Variants in AFG2A observed in about 807,000 individuals in gnomAD.
The protein encoded by AFG2A is AAA ATPase AFG2A, also known as ATPase family gene 2 protein homolog A.
At chr4:123,166,414 A>G in the AFG2A span, among the ~76,000 whole-genome samples, 2 of 152,162 alleles carry the variant, frequency 1.3e-5, no homozygotes, top group African/African-American at 4.8e-5. Context: ...TTTGCTCCTC[A>G]GATTATGTGA....
the AFG2A span, among the ~76,000 whole-genome samples, chr4:123,198,059 A>G: frequency 2.0e-5 from 3 of 152,138 alleles, no homozygotes; most frequent in Non-Finnish European, 4.4e-5. Context: ...TCATGAGGTC[A>G]GGAGTTCAAG....
chr4:123,137,942 G>A, the AFG2A span, among the ~76,000 whole-genome samples: 1 of 152,076 alleles, frequency 6.6e-6, no homozygotes, highest in Admixed American at 6.6e-5. Flanking sequence ...CATTAGTATA[G>A]AACCCTTACA....
the AFG2A span, among the ~76,000 whole-genome samples, chr4:123,233,176 A>T: frequency 6.6e-6 from 1 of 152,064 alleles, no homozygotes; most frequent in Non-Finnish European, 1.5e-5. Flanking sequence ...TAGAAAATGT[A>T]ATAGACTTGT....
chr4:123,235,053 T>C, the AFG2A span, among the ~76,000 whole-genome samples: 1 of 152,164 alleles, frequency 6.6e-6, no homozygotes, highest in African/African-American at 2.4e-5. Flanking sequence ...TCATTGTCAT[T>C]GTCTGGAATA....
chr4:123,002,799 C>T, the AFG2A span, among the ~76,000 whole-genome samples: 2 of 152,060 alleles, frequency 1.3e-5, no homozygotes, highest in Admixed American at 6.5e-5. Context: ...TTGCTCTTCT[C>T]GAGGAGTATC....
the AFG2A span, among the ~76,000 whole-genome samples, chr4:123,140,258 T>C: frequency 6.6e-6 from 1 of 152,124 alleles, no homozygotes; most frequent in East Asian, 1.9e-4. Context: ...TCAACCACTC[T>C]TATTTTTTAA....
chr4:123,243,562 G>A, the AFG2A span, among the ~76,000 whole-genome samples: 2 of 151,992 alleles, frequency 1.3e-5, no homozygotes, highest in Non-Finnish European at 2.9e-5. Flanking sequence ...ACACTTGGAC[G>A]CAGGGCAGGG....
the AFG2A span, among the ~76,000 whole-genome samples, chr4:123,148,988 C>T: frequency 6.6e-6 from 1 of 151,210 alleles, no homozygotes; most frequent in Admixed American, 6.6e-5. Flanking sequence ...AGGCTGGTCT[C>T]GAATTCCTGA....
At chr4:123,149,214 A>G in the AFG2A span, among the ~76,000 whole-genome samples, 1 of 152,198 alleles carries the variant, frequency 6.6e-6, no homozygotes, top group Admixed American at 6.5e-5. Context: ...TGAGATGGAG[A>G]TAAAACTAGA....
the AFG2A span, among the ~76,000 whole-genome samples, chr4:123,081,705 T>C: frequency 6.6e-6 from 1 of 152,152 alleles, no homozygotes; most frequent in African/African-American, 2.4e-5. Flanking sequence ...TGAGAGTTTA[T>C]TTTTGGAACT....
chr4:122,939,628 T>G, the AFG2A span, among the ~76,000 whole-genome samples: 3 of 150,108 alleles, frequency 2.0e-5, no homozygotes, highest in African/African-American at 7.3e-5. Context: ...AGCTGGTCAT[T>G]TAGAATTTTT....
chr4:122,938,922 G>A, the AFG2A span, among the ~76,000 whole-genome samples: 1 of 151,862 alleles, frequency 6.6e-6, no homozygotes, highest in Non-Finnish European at 1.5e-5. Context: ...GAAATGTCAT[G>A]AGTAAGTCTT....
At chr4:123,201,968 A>C in the AFG2A span, among the ~76,000 whole-genome samples, 4 of 152,176 alleles carry the variant, frequency 2.6e-5, no homozygotes, top group African/African-American at 9.6e-5. Flanking sequence ...ATAATAACAG[A>C]AACAGTGCAT....
chr4:123,226,422 G>A, the AFG2A span, among the ~76,000 whole-genome samples: 2 of 151,238 alleles, frequency 1.3e-5, no homozygotes, highest in Non-Finnish European at 2.9e-5. Context: ...TTAGCATGAA[G>A]GGTTGTTGAA....
At chr4:123,279,853 A>T in the AFG2A span, among the ~76,000 whole-genome samples, 1 of 152,350 alleles carries the variant, frequency 6.6e-6, no homozygotes, top group Non-Finnish European at 1.5e-5. Context: ...CAATCAATAC[A>T]TGAGTTACTA....
chr4:122,935,724 C>A, the AFG2A span: 2 of 1,598,968 alleles, frequency 1.3e-6, no homozygotes, highest in Non-Finnish European at 1.7e-6. Context: ...GAATTCCTGC[C>A]CCTAGAGGAG....
chr4:123,237,449 C>A, the AFG2A span, among the ~76,000 whole-genome samples: 1 of 151,612 alleles, frequency 6.6e-6, no homozygotes, highest in Non-Finnish European at 1.5e-5. Context: ...ATCATAGTGA[C>A]GCCACTTGAG....
chr4:122,989,826 T>C, the AFG2A span, among the ~76,000 whole-genome samples: 1 of 152,196 alleles, frequency 6.6e-6, no homozygotes, highest in Admixed American at 6.5e-5. Context: ...TGAGAAACTT[T>C]ACTTCCTAGA....
chr4:123,294,187 A>G, the AFG2A span, among the ~76,000 whole-genome samples: 1,051 of 152,278 alleles, frequency 6.9e-3, 17 homozygotes, highest in African/African-American at 0.024. Flanking sequence ...TGGTCTCCCA[A>G]AAGCAAGTGC....
Sources: allele counts gnomAD v4.1 joint callset (sites outside exome capture counted in the v4.1 genomes callset), GRCh38; gene constraint gnomAD v4.1.1; transcripts MANE v1.5; gene names NCBI Gene and HGNC (gene_info 2026-07-23, HGNC 2026-07-21).